The following MAP3K15 variants were observed in gnomAD, a reference collection of about 807,000 sequenced individuals.
MAP3K15 encodes the protein MAPK/ERK kinase kinase 15.
Under a neutral mutation model 99.5 loss-of-function variants are expected in MAP3K15, and 124 were observed. The observed-to-expected ratio is 1.25, with a 90% CI of 1.08 to 1.45. The LOEUF is 1.45. MAP3K15 is among the 40% of genes most tolerant of loss of function. MAP3K15 has a pLI of 0.00. For missense variants in MAP3K15, 1,242 were observed against 1,079.7 expected (o/e 1.15, Z -2.11); for synonymous variants, 494 against 439.6 (o/e 1.12, Z -1.55).
intron 9 of MAP3K15, among the ~76,000 whole-genome samples, chrX:19,417,013 C>A (rs1475684974): frequency 1.8e-5 from 2 of 112,393 alleles, no homozygotes; most frequent in Non-Finnish European, 3.8e-5. Flanking sequence ...ATATCTTTGA[C>A]CAGGTTTACT....
In MAP3K15 at chrX:19,514,997, G is replaced by A. The variant is rs1812993336; in HGVS notation, c.265C>T (p.Arg89Trp). The change falls in exon 1 of 29, where the codon CGG (arginine) becomes TGG (tryptophan). Residue 89 changes from arginine to tryptophan, a missense_variant. Arg to Trp is a moderately radical substitution (Grantham distance 101). Coordinates refer to ENST00000338883, the MANE Select transcript of MAP3K15 (RefSeq NM_001001671.4). ...TGAGCGCCCTCGGCCTCGCAGGCCC[G>A]CAGCAGGCACTGCCGCGCCCCAGCC... Reference protein sequence around the residue: ...PEAGARQCLLRACEAEGAHLT... With the variant: ...PEAGARQCLLWACEAEGAHLT... The A allele has an allele frequency of 4.5e-6, 5 of 1,111,294 alleles. No homozygotes were observed. The East Asian group carries it at 1.8e-4, about 41-fold the overall frequency. The allele number at this position is 1,111,294 out of a possible 1,213,427, so 91.6% of individuals were successfully genotyped here. A position where few individuals can be genotyped will look rare whatever the true frequency, so the allele number is the denominator to read the frequency against.
At chrX:19,468,213 C>T (rs1408095568) in intron 3 of MAP3K15, among the ~76,000 whole-genome samples, 1 of 111,954 alleles carries the variant, frequency 8.9e-6, no homozygotes, top group African/African-American at 3.2e-5. Flanking sequence ...GCTGGTAGCT[C>T]TGTGATAGGA....
At chrX:19,488,631 G>A (rs2064345781) in intron 2 of MAP3K15, among the ~76,000 whole-genome samples, 197 bp downstream of exon 2, 1 of 111,601 alleles carries the variant, frequency 9.0e-6, no homozygotes, top group Non-Finnish European at 1.9e-5. Flanking sequence ...GCCTGCAAAC[G>A]TACGACTGTA....
chrX:19,466,009 G>A (rs757257303), intron 3 of MAP3K15, among the ~76,000 whole-genome samples: 10 of 109,808 alleles, frequency 9.1e-5, no homozygotes, highest in Non-Finnish European at 1.3e-4. Context: ...GCTGCAGTGC[G>A]GTGGCACAAT....
At chrX:19,376,430 T>C (rs2063417975) in intron 19 of MAP3K15, among the ~76,000 whole-genome samples, 1 of 109,815 alleles carries the variant, frequency 9.1e-6, no homozygotes, top group South Asian at 4.0e-4. Flanking sequence ...TGAGCATGTG[T>C]GTCCAAATCT....
chrX:19,436,295 C>T (rs1639361048), intron 6 of MAP3K15, among the ~76,000 whole-genome samples: 1 of 111,319 alleles, frequency 9.0e-6, no homozygotes, highest in East Asian at 2.8e-4. Context: ...GAATCCACCA[C>T]TCCCTTCTCA....
chrX:19,445,985 T>TA (rs1569227702), intron 6 of MAP3K15, among the ~76,000 whole-genome samples: 1 of 110,367 alleles, frequency 9.1e-6, no homozygotes, highest in South Asian at 3.7e-4. Context: ...AATAAATAAA[T>TA]ATTAATCAGC....
intron 1 of MAP3K15, among the ~76,000 whole-genome samples, chrX:19,512,153 C>T (rs2064523543): frequency 9.0e-6 from 1 of 110,806 alleles, no homozygotes; most frequent in Admixed American, 9.6e-5. Context: ...GAACATCACA[C>T]ACACACCCCA....
At chrX:19,509,079 G>C (rs1420597024) in intron 1 of MAP3K15, among the ~76,000 whole-genome samples, 2 of 110,951 alleles carry the variant, frequency 1.8e-5, no homozygotes, top group African/African-American at 6.6e-5. Flanking sequence ...ATATGTGCTA[G>C]TGACACAGCC....
intron 6 of MAP3K15, among the ~76,000 whole-genome samples, chrX:19,441,479 G>C (rs1457878210): frequency 9.0e-6 from 1 of 111,555 alleles, no homozygotes; most frequent in African/African-American, 3.3e-5. Context: ...TAAATGGGTT[G>C]TTTTTTGGGT....
At chrX:19,445,369 T>A in intron 6 of MAP3K15, among the ~76,000 whole-genome samples, 1 of 108,834 alleles carries the variant, frequency 9.2e-6, no homozygotes, top group Non-Finnish European at 1.9e-5. Flanking sequence ...GGTGGGTGGA[T>A]CACTTGAAGC....
intron 1 of MAP3K15, among the ~76,000 whole-genome samples, chrX:19,490,182 C>CACACACAT (rs1555966374): frequency 1.0e-5 from 1 of 95,517 alleles, no homozygotes; most frequent in Non-Finnish European, 2.2e-5. Context: ...CACACACACA[C>CACACACAT]ACATACATAC....
chrX:19,373,257 G>T (rs1270412270), intron 21 of MAP3K15: 3 of 302,679 alleles, frequency 9.9e-6, no homozygotes, highest in Non-Finnish European at 1.7e-5. Context: ...GGGAAGAGGA[G>T]AGAGGGGAAG....
chrX:19,418,559 T>C (rs988768870), intron 9 of MAP3K15, among the ~76,000 whole-genome samples: 1 of 110,254 alleles, frequency 9.1e-6, no homozygotes, highest in African/African-American at 3.3e-5. Context: ...AATCTACATC[T>C]GATTGGTGTA....
At chrX:19,394,844 T>G (rs2063556796) in intron 16 of MAP3K15, among the ~76,000 whole-genome samples, 2 of 73,240 alleles carry the variant, frequency 2.7e-5, no homozygotes, top group African/African-American at 5.4e-5. Context: ...TTAAAAAGAG[T>G]GATGGGTTTT....
At chrX:19,367,262 G>A (rs941862803) in intron 25 of MAP3K15, among the ~76,000 whole-genome samples, 1 of 111,039 alleles carries the variant, frequency 9.0e-6, no homozygotes, top group Non-Finnish European at 1.9e-5. Context: ...ACGTGCCGTG[G>A]GAGCTAAATG....
intron 4 of MAP3K15, among the ~76,000 whole-genome samples, chrX:19,460,760 TG>T (rs2064126681): frequency 9.1e-6 from 1 of 109,479 alleles, no homozygotes; most frequent in African/African-American, 3.4e-5. Flanking sequence ...TTTGTTTTTT[TG>T]TTTTTTTTTT....
intron 3 of MAP3K15, among the ~76,000 whole-genome samples, chrX:19,475,597 C>T (rs1024674908): frequency 9.0e-6 from 1 of 111,060 alleles, no homozygotes; most frequent in African/African-American, 3.3e-5. Context: ...GTGGGCTGCA[C>T]ATATAAAGCT....
chrX:19,412,114 T>G (rs1300676471), intron 11 of MAP3K15, among the ~76,000 whole-genome samples: 1 of 111,878 alleles, frequency 8.9e-6, no homozygotes, highest in Non-Finnish European at 1.9e-5. Flanking sequence ...TCAAGAGTCT[T>G]GTCTAACCCA....
Sources: allele counts gnomAD v4.1 joint callset (sites outside exome capture counted in the v4.1 genomes callset), GRCh38; gene constraint gnomAD v4.1.1; transcripts MANE v1.5; gene names NCBI Gene and HGNC (gene_info 2026-07-23, HGNC 2026-07-21).